SLC4A4: variants seen among roughly 807,000 people sequenced by gnomAD.
SLC4A4 encodes electrogenic sodium bicarbonate cotransporter 1.
SLC4A4 carries 27 observed loss-of-function variants against 111.5 expected under a neutral mutation model. That is an observed-to-expected ratio of 0.24 (90% CI 0.18 to 0.33). SLC4A4 has a LOEUF of 0.33. Ranked by LOEUF, SLC4A4 falls within the 10% of genes least tolerant of loss-of-function variation. The pLI is 1.00. For missense variants in SLC4A4, 909 were observed against 1,315.5 expected (o/e 0.69, Z 4.78); for synonymous variants, 443 against 463.4 (o/e 0.96, Z 0.57).
intron 1 of SLC4A4, among the ~76,000 whole-genome samples, chr4:71,209,056 A>T (rs1717966747): frequency 6.6e-6 from 1 of 152,186 alleles, no homozygotes; most frequent in Non-Finnish European, 1.5e-5. Context: ...AAGTCTTCAG[A>T]AAGTTTGTGT....
chr4:71,106,909 AACT>A (rs1742943408), intron 2 of SLC4A4, among the ~76,000 whole-genome samples: 1 of 148,820 alleles, frequency 6.7e-6, no homozygotes, highest in South Asian at 2.1e-4. Context: ...TGTACCCTAA[AACT>A]TAAAGTATAA....
At chr4:71,281,293 A>G (rs775646363) in intron 3 of SLC4A4, among the ~76,000 whole-genome samples, 1 of 152,200 alleles carries the variant, frequency 6.6e-6, no homozygotes, top group South Asian at 2.1e-4. Context: ...TCTGAGTCCA[A>G]CTTTGTATTT....
intron 1 of SLC4A4, among the ~76,000 whole-genome samples, chr4:71,217,371 C>T (rs1560786477): frequency 6.6e-6 from 1 of 151,852 alleles, no homozygotes; most frequent in Non-Finnish European, 1.5e-5. Flanking sequence ...TTGTGACCAG[C>T]GTGGCCAACA....
intron 6 of SLC4A4, among the ~76,000 whole-genome samples, chr4:71,395,133 G>T (rs535004779): frequency 6.6e-6 from 1 of 152,088 alleles, no homozygotes; most frequent in African/African-American, 2.4e-5. Context: ...TCTAACAAGC[G>T]TACAGGTGAT....
chr4:71,073,400 A>T (rs1350589527), intron 1 of SLC4A4, among the ~76,000 whole-genome samples: 2 of 152,178 alleles, frequency 1.3e-5, no homozygotes, highest in Non-Finnish European at 2.9e-5. Context: ...ATGCTTCCTT[A>T]AAACCACCCT....
intron 1 of SLC4A4, among the ~76,000 whole-genome samples, chr4:71,201,934 T>A (rs1384251308): frequency 6.6e-6 from 1 of 152,182 alleles, no homozygotes; most frequent in East Asian, 1.9e-4. Flanking sequence ...TATGTGTGTA[T>A]TAGTTGTTGG....
chr4:71,270,939 G>A (rs1025721519), intron 3 of SLC4A4, among the ~76,000 whole-genome samples: 6 of 152,302 alleles, frequency 3.9e-5, no homozygotes, highest in African/African-American at 7.2e-5. Flanking sequence ...AATTTGGATT[G>A]CCCCTTGAAG....
intron 4 of SLC4A4, among the ~76,000 whole-genome samples, chr4:71,341,641 T>A (rs1317062374): frequency 6.6e-6 from 1 of 152,156 alleles, no homozygotes; most frequent in East Asian, 1.9e-4. Flanking sequence ...TTAATTGGAT[T>A]TTTTGTAGTT....
intron 4 of SLC4A4, among the ~76,000 whole-genome samples, chr4:71,344,800 G>A (rs1729185118): frequency 6.6e-6 from 1 of 151,860 alleles, no homozygotes; most frequent in Admixed American, 6.6e-5. Context: ...GAGTAGATCT[G>A]AAGTTCAGTT....
intron 2 of SLC4A4, among the ~76,000 whole-genome samples, chr4:71,239,067 A>G (rs16846059): frequency 0.031 from 4,784 of 152,292 alleles, 188 homozygotes; most frequent in African/African-American, 0.093. Context: ...TGTTATCTCT[A>G]TTCTAAAGTA....
At chr4:71,385,191 A>ATATATTTTTTTTTTTTTTTTTT (rs56949097) in intron 6 of SLC4A4, among the ~76,000 whole-genome samples, 1 of 11,896 alleles carries the variant, frequency 8.4e-5, no homozygotes. Context: ...ATATATATAT[A>ATATATTTTTTTTTTTTTTTTTT]TTTTTTTTTT....
At chr4:71,522,355 C>T (rs750234142) in intron 16 of SLC4A4, among the ~76,000 whole-genome samples, 17 of 152,202 alleles carry the variant, frequency 1.1e-4, no homozygotes, top group Non-Finnish European at 2.1e-4. Flanking sequence ...CCTACACCAA[C>T]AAATGATCAT....
intron 2 of SLC4A4, among the ~76,000 whole-genome samples, chr4:71,103,164 G>A (rs1742810493): frequency 6.6e-6 from 1 of 151,540 alleles, no homozygotes; most frequent in East Asian, 1.9e-4. Flanking sequence ...AAGATCAAAA[G>A]AGACAAAGAA....
At chr4:71,488,945 T>G (rs1390734779) in intron 15 of SLC4A4, among the ~76,000 whole-genome samples, 1 of 149,260 alleles carries the variant, frequency 6.7e-6, no homozygotes, top group Non-Finnish European at 1.5e-5. Flanking sequence ...AAGGCCAACT[T>G]TTATTTTATC....
intron 16 of SLC4A4, among the ~76,000 whole-genome samples, chr4:71,529,400 G>A (rs1337422116): frequency 6.6e-6 from 1 of 151,960 alleles, no homozygotes; most frequent in East Asian, 1.9e-4. Flanking sequence ...ATCTTTCAGG[G>A]CATTTTCTCT....
intron 11 of SLC4A4, among the ~76,000 whole-genome samples, chr4:71,452,711 GA>G (rs1310378660): frequency 6.6e-6 from 1 of 152,142 alleles, no homozygotes; most frequent in Non-Finnish European, 1.5e-5. Flanking sequence ...TCACTCAACT[GA>G]CCTGCTGACA....
Position 71,451,296 on chromosome 4 carries a change from T to C in SLC4A4, c.1317T>C (p.Thr439=). ...GGGATTGTGAAGAATTGCAGCGAAC[T>C]GGACGGTAACTGACAGTTTCCTTTG... ...GHGDCEELQR[T]GRFCGGLIKD... Residue 439 remains threonine, a synonymous_variant, in exon 11 of 26, where the codon ACT becomes ACC. Transcript: ENST00000264485. 2 of 1,600,776 alleles carry C rather than the reference T, an allele frequency of 1.2e-6. No homozygotes were observed. Among genetic ancestry groups the C allele is most frequent in the Non-Finnish European group, 1.7e-6 (2 of 1,167,840 alleles).
At chr4:71,505,352 G>A (rs977091193) in intron 16 of SLC4A4, among the ~76,000 whole-genome samples, 2 of 151,962 alleles carry the variant, frequency 1.3e-5, no homozygotes, top group Non-Finnish European at 2.9e-5. Flanking sequence ...AACTTTGCCA[G>A]CATCTGCTAT....
intron 1 of SLC4A4, among the ~76,000 whole-genome samples, chr4:71,219,420 G>A (rs531972054): frequency 2.0e-5 from 3 of 152,320 alleles, no homozygotes; most frequent in Middle Eastern, 6.8e-3. Flanking sequence ...TCACCGTTGA[G>A]ACCTACTTTC....
Sources: allele counts gnomAD v4.1 joint callset (sites outside exome capture counted in the v4.1 genomes callset), GRCh38; gene constraint gnomAD v4.1.1; transcripts MANE v1.5; gene names NCBI Gene and HGNC (gene_info 2026-07-23, HGNC 2026-07-21).